CNTN4: variants seen among roughly 807,000 people sequenced by gnomAD.
CNTN4 encodes contactin 4.
A neutral mutation model predicts 122.5 loss-of-function variants in CNTN4; 77 were observed. The observed-to-expected ratio is 0.63, with a 90% CI of 0.52 to 0.76. CNTN4 has a LOEUF of 0.76. Among genes scored for constraint, CNTN4 ranks in the 30% least tolerant of loss-of-function variants. The probability of loss-of-function intolerance (pLI) is 0.00; values close to 1 mark genes in which losing one functional copy is unlikely to be tolerated. For missense variants in CNTN4, 1,256 were observed against 1,259.1 expected, an observed-to-expected ratio of 1.00 and a Z score of 0.04; for synonymous variants, 512 against 447.0, an observed-to-expected ratio of 1.15 and a Z score of -1.83.
chr3:2,861,645 G>C (rs1350777404), intron 7 of CNTN4, among the ~76,000 whole-genome samples: 2 of 152,242 alleles, frequency 1.3e-5, no homozygotes, highest in South Asian at 4.1e-4. Flanking sequence ...CATGTCTCCT[G>C]ACTTAACTCT....
intron 6 of CNTN4, among the ~76,000 whole-genome samples, chr3:2,769,883 G>A (rs556449743): frequency 6.9e-4 from 105 of 152,276 alleles, no homozygotes; most frequent in African/African-American, 2.5e-3. Context: ...AGGAATCAAT[G>A]CCAGCCTCTT....
At chr3:2,436,190 C>T (rs1369887215) in intron 3 of CNTN4, among the ~76,000 whole-genome samples, 1 of 152,054 alleles carries the variant, frequency 6.6e-6, no homozygotes, top group African/African-American at 2.4e-5. Flanking sequence ...TGAGTGCATA[C>T]CTATTATGAG....
intron 12 of CNTN4, among the ~76,000 whole-genome samples, chr3:2,921,000 G>A (rs1422218297): frequency 1.3e-5 from 2 of 152,182 alleles, no homozygotes; most frequent in Admixed American, 1.3e-4. Context: ...TCAGAGTTGT[G>A]TTGAGAGTCT....
At chr3:2,522,476 T>G (rs1036435544) in intron 3 of CNTN4, among the ~76,000 whole-genome samples, 1 of 152,094 alleles carries the variant, frequency 6.6e-6, no homozygotes, top group Non-Finnish European at 1.5e-5. Context: ...ATTTTGAACT[T>G]TGGATCATAA....
intron 2 of CNTN4, among the ~76,000 whole-genome samples, chr3:2,286,092 C>CT (rs35907798): frequency 0.059 from 8,927 of 151,826 alleles, 289 homozygotes; most frequent in Non-Finnish European, 0.065. Flanking sequence ...CTTTGGGTGG[C>CT]TTTTTTATTC....
At chr3:2,421,435 A>G (rs1273852225) in intron 3 of CNTN4, among the ~76,000 whole-genome samples, 1 of 152,070 alleles carries the variant, frequency 6.6e-6, no homozygotes, top group African/African-American at 2.4e-5. Flanking sequence ...TATTTTTAGT[A>G]GAGACATGGT....
chr3:2,716,155 G>A (rs1373127122), intron 4 of CNTN4, among the ~76,000 whole-genome samples: 1 of 151,924 alleles, frequency 6.6e-6, no homozygotes, highest in Non-Finnish European at 1.5e-5. Flanking sequence ...TATAGAGATA[G>A]GGTCTCACCA....
intron 2 of CNTN4, among the ~76,000 whole-genome samples, chr3:2,228,479 A>G (rs1354387988): frequency 6.6e-6 from 1 of 152,108 alleles, no homozygotes; most frequent in South Asian, 2.1e-4. Flanking sequence ...CTGAAAGTAT[A>G]TATCATCTGG....
At chr3:2,231,261 G>A (rs1234353967) in intron 2 of CNTN4, among the ~76,000 whole-genome samples, 3 of 151,994 alleles carry the variant, frequency 2.0e-5, no homozygotes, top group Non-Finnish European at 1.5e-5. Flanking sequence ...GCTAGTGGTG[G>A]TTACCAAGTA....
chr3:2,518,235 G>A (rs1445834426), intron 3 of CNTN4, among the ~76,000 whole-genome samples: 1 of 151,970 alleles, frequency 6.6e-6, no homozygotes, highest in African/African-American at 2.4e-5. Context: ...GTGTGTGTGT[G>A]CACACACGCA....
rs80291871 is a variant in CNTN4, at chr3:2,540,904, T to C, written c.-88-30512T>C. Among the ~76,000 whole-genome samples, 819 of 152,260 alleles carry C rather than the reference T, an allele frequency of 5.4e-3. 5 individuals are homozygous for C. Among genetic ancestry groups the C allele is most frequent in the African/African-American group, 0.018 (764 of 41,554 alleles). On this transcript the variant is annotated intron_variant, in intron 3 of 24. Coordinates refer to ENST00000418658, the MANE Select transcript of CNTN4 (RefSeq NM_175607.3). ...GCAGCCAATATTGTCAAACTAACAATGGAACCAATTGTACCTGTGATGTTA... is the reference window on the plus strand; with the variant it reads ...GCAGCCAATATTGTCAAACTAACAACGGAACCAATTGTACCTGTGATGTTA...
rs148093725 is a variant in CNTN4, at chr3:2,662,692, G to A, written c.56-73523G>A. On this transcript the variant is annotated intron_variant, in intron 4 of 24. Coordinates refer to ENST00000418658, the MANE Select transcript of CNTN4 (RefSeq NM_175607.3). Reference sequence around the variant, plus strand: ...AGAAGGTATAGGGACCTTCCAGGCAGAAGTAATCAACTATCTGTTGACATA... The same window carrying A: ...AGAAGGTATAGGGACCTTCCAGGCAAAAGTAATCAACTATCTGTTGACATA... 3.8e-3 allele frequency among the ~76,000 whole-genome samples: 578 copies of A among 152,280 alleles called. 12 individuals carry two copies. The highest frequency in any genetic ancestry group is 0.035 in the East Asian group (179 of 5,168).
chr3:2,208,523 CAT>C (rs1199700829), intron 2 of CNTN4, among the ~76,000 whole-genome samples: 4 of 152,122 alleles, frequency 2.6e-5, no homozygotes, highest in African/African-American at 9.7e-5. Flanking sequence ...ACATTGTTGA[CAT>C]AACAACACAG....
chr3:2,466,970 C>CT (rs60879017), intron 3 of CNTN4, among the ~76,000 whole-genome samples: 12,243 of 115,836 alleles, frequency 0.11, 582 homozygotes, highest in East Asian at 0.15. Context: ...TTCTTTCTTT[C>CT]TTTTTTTTTT....
chr3:2,763,367 A>G (rs1425379707), intron 6 of CNTN4, among the ~76,000 whole-genome samples: 1 of 152,206 alleles, frequency 6.6e-6, no homozygotes, highest in Non-Finnish European at 1.5e-5. Context: ...AGTTCCTTAT[A>G]GATGCTAGAT....
chr3:2,496,893 T>C (rs1184832761), intron 3 of CNTN4, among the ~76,000 whole-genome samples: 2 of 152,132 alleles, frequency 1.3e-5, no homozygotes, highest in African/African-American at 2.4e-5. Flanking sequence ...GGACTTCTCA[T>C]AGAAGTCCTG....
At position 2,253,631 on chromosome 3, in the gene CNTN4, G is replaced by A. The variant is rs140974493; in HGVS notation, c.-144-85547G>A. 1.0e-3 allele frequency among the ~76,000 whole-genome samples: 157 copies of A among 151,568 alleles called. 1 individual carries two copies. The highest frequency in any genetic ancestry group is 3.6e-3 in the African/African-American group (151 of 41,386). ...AATCAGTTAGGTCATATTGAGCCAT[G>A]ATTACTTTTTCATTTTTTTTTTTTT... On this transcript the variant is annotated intron_variant, in intron 2 of 24. Transcript: ENST00000418658.
At chr3:2,924,648 G>A (rs576742167) in intron 12 of CNTN4, among the ~76,000 whole-genome samples, 33 of 152,156 alleles carry the variant, frequency 2.2e-4, no homozygotes, top group Non-Finnish European at 4.4e-4. Context: ...ATAGGACTAT[G>A]TTACTGGTGT....
intron 4 of CNTN4, among the ~76,000 whole-genome samples, chr3:2,655,146 A>G (rs2150230150): frequency 6.6e-6 from 1 of 152,272 alleles, no homozygotes; most frequent in Non-Finnish European, 1.5e-5. Flanking sequence ...AATTTAGAAA[A>G]TATGTTTGTT....
Sources: allele counts gnomAD v4.1 joint callset (sites outside exome capture counted in the v4.1 genomes callset), GRCh38; gene constraint gnomAD v4.1.1; transcripts MANE v1.5; gene names NCBI Gene and HGNC (gene_info 2026-07-23, HGNC 2026-07-21).